WDR27: variants seen among roughly 807,000 people sequenced by gnomAD.
The protein encoded by WDR27 is WD repeat domain 27, also known as WD repeat-containing protein 27.
In WDR27, 100 loss-of-function variants were observed where a neutral mutation model predicts 114.4. The ratio of observed to expected loss-of-function variants is 0.87; its 90% CI spans 0.74 to 1.03. The LOEUF is 1.03. WDR27 is among the 50% of genes least tolerant of loss of function. The pLI is 0.00. For missense variants in WDR27, 1,129 were observed against 1,092.9 expected (o/e 1.03, Z -0.47); for synonymous variants, 449 against 423.1 (o/e 1.06, Z -0.75).
intron 1 of WDR27, among the ~76,000 whole-genome samples, chr6:169,693,515 T>C (rs1400736111): frequency 6.6e-6 from 1 of 152,168 alleles, no homozygotes; most frequent in Non-Finnish European, 1.5e-5. Flanking sequence ...ATGGTCTAAG[T>C]GCTCCACTGG....
intron 1 of WDR27, among the ~76,000 whole-genome samples, chr6:169,695,016 T>C (rs1785499632): frequency 6.6e-6 from 1 of 151,696 alleles, no homozygotes; most frequent in South Asian, 2.1e-4. Context: ...GGGAGAAGGG[T>C]GGTAGCCCAG....
At chr6:169,549,928 C>T (rs1797885732) in intron 25 of WDR27, among the ~76,000 whole-genome samples, 1 of 152,140 alleles carries the variant, frequency 6.6e-6, no homozygotes. Context: ...ATGTAGAGAA[C>T]ATACACTATG....
intron 14 of WDR27, 68 bp downstream of exon 14, chr6:169,651,862 T>C: frequency 2.2e-6 from 3 of 1,394,800 alleles, no homozygotes; most frequent in Non-Finnish European, 2.0e-6. Context: ...TGTGTCCCTA[T>C]TTGTGTTAAA....
intron 2 of WDR27, among the ~76,000 whole-genome samples, chr6:169,677,912 T>C (rs1429533354): frequency 6.6e-6 from 1 of 152,062 alleles, no homozygotes; most frequent in Non-Finnish European, 1.5e-5. Flanking sequence ...GTGCACAGAG[T>C]ACAAGAGTAA....
At chr6:169,647,118 C>G (rs1001816936) in intron 16 of WDR27, among the ~76,000 whole-genome samples, 14 of 152,138 alleles carry the variant, frequency 9.2e-5, no homozygotes, top group Admixed American at 2.6e-4. Context: ...AACTACCCAG[C>G]TGAGGTCAAG....
chr6:169,611,425 C>A (rs1218283901), intron 22 of WDR27, among the ~76,000 whole-genome samples: 1 of 150,184 alleles, frequency 6.7e-6, no homozygotes, highest in East Asian at 2.0e-4. Flanking sequence ...CCTGACTCAT[C>A]CTCCCAAGTA....
Position 169,613,635 on chromosome 6 carries a change from G to T in WDR27, c.2245C>A (p.Gln749Lys). ...QNKGSSFTTQ[Q>K]PQAYNLFLTT... ...AGGAAAAGGTTATAAGCCTGAGGCT[G>T]TTGGGTTGTAAATGATGAACCCTAT... Residue 749 changes from glutamine (Q) to lysine (K), a missense_variant, in exon 22 of 26, where the codon CAG (glutamine) becomes AAG (lysine). Gln to Lys is a moderately conservative substitution (Grantham distance 53, BLOSUM62 1). Coordinates refer to ENST00000448612, the MANE Select transcript of WDR27 (RefSeq NM_182552.5). The T allele has an allele frequency of 6.2e-7, 1 of 1,613,584 alleles. No individual in the cohort carries two copies. The highest frequency in any genetic ancestry group is 8.5e-7 in the Non-Finnish European group (1 of 1,179,590).
chr6:169,664,505 T>A, intron 7 of WDR27: 2 of 1,406,054 alleles, frequency 1.4e-6, no homozygotes, highest in Admixed American at 5.8e-5. Context: ...GGCTGGCACA[T>A]CAGCTCAGGG....
At chr6:169,547,859 A>G (rs1412022018) in intron 25 of WDR27, among the ~76,000 whole-genome samples, 1 of 152,150 alleles carries the variant, frequency 6.6e-6, no homozygotes, top group Non-Finnish European at 1.5e-5. Context: ...AAGAAGAAAC[A>G]AAACTGACTT....
chr6:169,474,915 C>T (rs1786929716), intron 25 of WDR27, among the ~76,000 whole-genome samples: 2 of 152,160 alleles, frequency 1.3e-5, no homozygotes, highest in Admixed American at 1.3e-4. Context: ...AGTGCCCATC[C>T]CATTCACAGA....
chr6:169,692,978 A>G (rs1452034800), intron 1 of WDR27, among the ~76,000 whole-genome samples: 1 of 152,176 alleles, frequency 6.6e-6, no homozygotes, highest in Non-Finnish European at 1.5e-5. Context: ...ACAGCAGCTG[A>G]TATTCTCTCG....
chr6:169,641,380 C>T (rs1033529503), intron 17 of WDR27, among the ~76,000 whole-genome samples: 1 of 152,202 alleles, frequency 6.6e-6, no homozygotes, highest in Non-Finnish European at 1.5e-5. Context: ...GGTGCCTCTT[C>T]CTCTCTCTCC....
At chr6:169,605,424 C>T (rs556686227) in intron 22 of WDR27, among the ~76,000 whole-genome samples, 26 of 151,546 alleles carry the variant, frequency 1.7e-4, no homozygotes, top group East Asian at 7.8e-4. Flanking sequence ...GGTCTCAATA[C>T]GGAAAACTAT....
intron 21 of WDR27, among the ~76,000 whole-genome samples, chr6:169,624,056 G>A (rs1814043144): frequency 6.6e-6 from 1 of 152,000 alleles, no homozygotes; most frequent in African/African-American, 2.4e-5. Flanking sequence ...GGGGTCAGGT[G>A]TGCCGTGTGT....
At chr6:169,591,183 T>C (rs1805682276) in intron 23 of WDR27, among the ~76,000 whole-genome samples, 1 of 152,164 alleles carries the variant, frequency 6.6e-6, no homozygotes, top group African/African-American at 2.4e-5. Flanking sequence ...GGTGTCTCAA[T>C]ATGGTTTTGA....
intron 1 of WDR27, among the ~76,000 whole-genome samples, chr6:169,692,347 G>A (rs1784727533): frequency 6.6e-6 from 1 of 152,176 alleles, no homozygotes; most frequent in East Asian, 1.9e-4. Flanking sequence ...TGATAATTTA[G>A]ACTGGGCATG....
chr6:169,466,923 C>A (rs1453794643), intron 25 of WDR27, among the ~76,000 whole-genome samples: 1 of 152,172 alleles, frequency 6.6e-6, no homozygotes, highest in Admixed American at 6.5e-5. Context: ...ACCTATGAGA[C>A]TGTAAAATCA....
intron 24 of WDR27, among the ~76,000 whole-genome samples, chr6:169,580,137 T>C (rs963439515): frequency 6.6e-6 from 1 of 152,230 alleles, no homozygotes; most frequent in East Asian, 1.9e-4. Context: ...CTTGTTCCCA[T>C]GTTTTCCTTG....
At chr6:169,650,391 G>A (rs1313611055) in intron 14 of WDR27, among the ~76,000 whole-genome samples, 1 of 95,486 alleles carries the variant, frequency 1.0e-5, no homozygotes, top group Non-Finnish European at 2.0e-5. Flanking sequence ...CCACTCATCC[G>A]TCATCCCTCC....
Sources: allele counts gnomAD v4.1 joint callset (sites outside exome capture counted in the v4.1 genomes callset), GRCh38; gene constraint gnomAD v4.1.1; transcripts MANE v1.5; gene names NCBI Gene and HGNC (gene_info 2026-07-23, HGNC 2026-07-21).